Variants in CCSER2 observed in about 807,000 individuals in gnomAD.
CCSER2 encodes the protein serine-rich coiled-coil domain-containing protein 2.
CCSER2 carries 46 observed loss-of-function variants against 92.3 expected under a neutral mutation model. That is an observed-to-expected ratio of 0.50 (90% CI 0.39 to 0.64). The LOEUF (loss-of-function observed/expected upper bound fraction) is 0.64. CCSER2 is among the 30% of genes least tolerant of loss of function. CCSER2 has a pLI of 0.00. For synonymous variants in CCSER2, 433 were observed against 431.4 expected, an observed-to-expected ratio of 1.00 and a Z score of -0.04; for missense variants, 1,244 against 1,238.9, an observed-to-expected ratio of 1.00 and a Z score of -0.06.
intron 8 of CCSER2, among the ~76,000 whole-genome samples, chr10:84,474,424 G>T (rs1336745561): frequency 2.0e-5 from 3 of 152,052 alleles, no homozygotes; most frequent in Non-Finnish European, 2.9e-5. Context: ...ACTTTAGGAG[G>T]CCGAGGCAGG....
chr10:84,341,681 A>C (rs1240872260), intron 1 of CCSER2, among the ~76,000 whole-genome samples: 1 of 151,630 alleles, frequency 6.6e-6, no homozygotes, highest in South Asian at 2.1e-4. Context: ...CCCCCCCACC[A>C]CTTCAGATGC....
intron 8 of CCSER2, among the ~76,000 whole-genome samples, chr10:84,472,694 A>G (rs571914530): frequency 1.3e-5 from 2 of 152,236 alleles, no homozygotes; most frequent in Non-Finnish European, 2.9e-5. Context: ...AGGTCACTTT[A>G]TATGGACATA....
chr10:84,464,831 G>A (rs1393968578), intron 7 of CCSER2, among the ~76,000 whole-genome samples: 6 of 152,122 alleles, frequency 3.9e-5, no homozygotes. Flanking sequence ...AATTCTGCTT[G>A]GATGTGGCAC....
At chr10:84,339,021 G>A (rs913956699) in intron 1 of CCSER2, among the ~76,000 whole-genome samples, 6 of 151,616 alleles carry the variant, frequency 4.0e-5, no homozygotes, top group Admixed American at 2.0e-4. Flanking sequence ...TTGGATTTCC[G>A]AAACACAGAT....
At chr10:84,482,823 A>G (rs570426611) in intron 9 of CCSER2, among the ~76,000 whole-genome samples, 1 of 152,306 alleles carries the variant, frequency 6.6e-6, no homozygotes, top group Non-Finnish European at 1.5e-5. Context: ...TGAGTACATG[A>G]ATACACAGAC....
chr10:84,343,198 G>T (rs918679805), intron 1 of CCSER2, among the ~76,000 whole-genome samples: 9 of 152,084 alleles, frequency 5.9e-5, no homozygotes, highest in African/African-American at 2.2e-4. Flanking sequence ...TTCTTTTCCA[G>T]CTGTCTTTAC....
Position 84,421,747 on chromosome 10 carries a change from A to G in CCSER2, c.1705+3886A>G, listed in dbSNP as rs554707771. 2.6e-5 allele frequency among the ~76,000 whole-genome samples: 4 copies of G among 152,350 alleles called. No individual in the cohort carries two copies. The South Asian group carries it at 8.3e-4, about 32-fold the overall frequency. On this transcript the variant is annotated intron_variant, in intron 4 of 9. Transcript: ENST00000372088. ...TAACAAAAGACAGGTTAACAAAAAAAGTGGAACACATTTATTTAATCAAAA... is the reference window on the plus strand; with the variant it reads ...TAACAAAAGACAGGTTAACAAAAAAGGTGGAACACATTTATTTAATCAAAA...
intron 1 of CCSER2, among the ~76,000 whole-genome samples, chr10:84,368,105 C>T (rs1035440141): frequency 5.9e-5 from 9 of 152,164 alleles, no homozygotes; most frequent in Admixed American, 5.9e-4. Context: ...GGTGATGCCT[C>T]TGCCTAGGTT....
At chr10:84,383,168 T>TG (rs2133221319) in intron 3 of CCSER2, among the ~76,000 whole-genome samples, 1 of 144,420 alleles carries the variant, frequency 6.9e-6, no homozygotes, top group African/African-American at 2.9e-5. Flanking sequence ...ACCTGGTTTA[T>TG]ATTTGCCTTA....
rs145472131 is a variant in CCSER2, at chr10:84,503,519, C to T, written c.2326-9930C>T. ...AAAATTGGGAGTAATAAATAACCTA[C>T]CTCAGAGTAGGAAAATTTAATAAAA... On this transcript the variant is annotated intron_variant, in intron 9 of 9. Transcript: ENST00000372088. 5.2e-3 allele frequency among the ~76,000 whole-genome samples: 799 copies of T among 152,258 alleles called. 2 individuals carry two copies. The highest frequency in any genetic ancestry group is 0.018 in the African/African-American group (758 of 41,532).
At chr10:84,462,416 G>C (rs1264160324) in intron 6 of CCSER2, among the ~76,000 whole-genome samples, 1 of 152,150 alleles carries the variant, frequency 6.6e-6, no homozygotes, top group Non-Finnish European at 1.5e-5. Flanking sequence ...TAGATATTTG[G>C]AAATAATTCA....
rs60891669 is a variant in CCSER2, at chr10:84,394,385, ATGTGTGTGTGTGTGTGTGTGTG to A, written c.1614+20588_1614+20609del. ...GCTCTTGAAATAACAAAAGGAAAGT[ATGTGTGTGTGTGTGTGTGTGTG>A]TGTGTGTGTGTGTGTGTTGGGTCAT... On this transcript the variant is annotated intron_variant, in intron 3 of 9. Coordinates refer to ENST00000372088, the MANE Select transcript of CCSER2 (RefSeq NM_001284240.2). 1.2e-3 allele frequency among the ~76,000 whole-genome samples: 154 copies of A among 132,684 alleles called. 2 individuals carry two copies. In the East Asian group the frequency reaches 0.024, roughly 21 times the overall value. 87.0% of individuals were successfully genotyped at this position (132,684 alleles called of 152,430 possible). A position where few individuals can be genotyped will look rare whatever the true frequency, so the allele number is the denominator to read the frequency against.
At chr10:84,502,667 G>A (rs1458290163) in intron 9 of CCSER2, among the ~76,000 whole-genome samples, 4 of 151,898 alleles carry the variant, frequency 2.6e-5, no homozygotes, top group South Asian at 4.2e-4. Flanking sequence ...CACCACGCTC[G>A]GCCTCTTTGA....
At chr10:84,475,410 A>G (rs1327394760) in intron 8 of CCSER2, among the ~76,000 whole-genome samples, 1 of 152,022 alleles carries the variant, frequency 6.6e-6, no homozygotes, top group African/African-American at 2.4e-5. Flanking sequence ...ATTTTGGAAA[A>G]CTCATATATT....
chr10:84,474,463 C>T (rs1020385348), intron 8 of CCSER2, among the ~76,000 whole-genome samples: 3 of 152,074 alleles, frequency 2.0e-5, no homozygotes, highest in Admixed American at 2.0e-4. Flanking sequence ...GAGTTCGAGA[C>T]CAGCCTGGCC....
chr10:84,340,362 AT>A (rs1413199341), intron 1 of CCSER2, among the ~76,000 whole-genome samples: 2 of 152,104 alleles, frequency 1.3e-5, no homozygotes, highest in African/African-American at 2.4e-5. Context: ...CACTCAATAA[AT>A]TTTTTGTTGA....
At chr10:84,387,445 T>C (rs1841279201) in intron 3 of CCSER2, among the ~76,000 whole-genome samples, 1 of 152,240 alleles carries the variant, frequency 6.6e-6, no homozygotes, top group Non-Finnish European at 1.5e-5. Flanking sequence ...CGTCTAATCA[T>C]GTTGCTTCCT....
intron 6 of CCSER2, among the ~76,000 whole-genome samples, chr10:84,458,669 A>G (rs1352731905): frequency 1.3e-5 from 2 of 152,150 alleles, no homozygotes; most frequent in Non-Finnish European, 2.9e-5. Flanking sequence ...TGAACAGAGG[A>G]TATCTCCATT....
intron 7 of CCSER2, among the ~76,000 whole-genome samples, chr10:84,466,765 G>A (rs572063998): frequency 2.0e-5 from 3 of 151,408 alleles, no homozygotes; most frequent in African/African-American, 4.9e-5. Flanking sequence ...CGTCCGCCTC[G>A]GCCTCCCAAA....
Sources: gnomAD v4.1 joint callset for allele counts (sites outside exome capture counted in the v4.1 genomes callset) on GRCh38, gnomAD v4.1.1 for gene constraint, MANE v1.5 for transcripts, NCBI Gene and HGNC (gene_info 2026-07-23, HGNC 2026-07-21) for gene names.